PGM2: variants seen among roughly 807,000 people sequenced by gnomAD.
The protein encoded by PGM2 is phosphoglucomutase 2.
Under a neutral mutation model 74.6 loss-of-function variants are expected in PGM2, and 57 were observed. The observed-to-expected ratio is 0.76, with a 90% CI of 0.62 to 0.95. The LOEUF (loss-of-function observed/expected upper bound fraction) is 0.95. Ranked by LOEUF, PGM2 falls within the 40% of genes least tolerant of loss-of-function variation. The probability of loss-of-function intolerance (pLI) is 0.00; values close to 1 mark genes in which losing one functional copy is unlikely to be tolerated. For synonymous variants in PGM2, 273 were observed against 260.7 expected, an observed-to-expected ratio of 1.05 and a Z score of -0.46; for missense variants, 706 against 741.9, an observed-to-expected ratio of 0.95 and a Z score of 0.56.
intron 9 of PGM2, 29 bp downstream of exon 9, chr4:37,847,140 TC>T (rs769513810): frequency 6.2e-7 from 1 of 1,602,872 alleles, no homozygotes; most frequent in South Asian, 1.1e-5. Context: ...TCACTCATTT[TC>T]CTTTCATCTG....
intron 13 of PGM2, among the ~76,000 whole-genome samples, chr4:37,857,889 T>C (rs1395869420): frequency 6.6e-6 from 1 of 152,208 alleles, no homozygotes; most frequent in African/African-American, 2.4e-5. Context: ...TATAGTTTTT[T>C]GTAAACATTT....
At chr4:37,834,434 T>C (rs997530327) in intron 2 of PGM2, among the ~76,000 whole-genome samples, 184 bp from the exon 3 acceptor site, 11 of 152,098 alleles carry the variant, frequency 7.2e-5, no homozygotes, top group African/African-American at 2.2e-4. Context: ...TACAAAAACA[T>C]AGATAATAAA....
intron 1 of PGM2, 59 bp downstream of exon 1, chr4:37,826,872 C>T: frequency 2.7e-6 from 3 of 1,094,290 alleles, no homozygotes; most frequent in South Asian, 1.4e-5. Context: ...CTGCCCTCTC[C>T]AGGCGCGGCG....
chr4:37,844,923 G>T (rs1000658837), intron 7 of PGM2, among the ~76,000 whole-genome samples: 2 of 146,206 alleles, frequency 1.4e-5, no homozygotes, highest in African/African-American at 2.5e-5. Context: ...AGCTGAGATT[G>T]CACCACTGCA....
intron 12 of PGM2, among the ~76,000 whole-genome samples, chr4:37,851,228 C>A (rs1251690648): frequency 1.3e-5 from 2 of 152,158 alleles, no homozygotes; most frequent in East Asian, 3.9e-4. Context: ...AGTGCTGGAG[C>A]CCACACCTGG....
rs369847345 is a variant in PGM2 at position 37,844,532 on chromosome 4, C to T, written c.888C>T (p.Pro296=). The change falls in exon 7 of 14, where the codon CCC becomes CCT. Residue 296 remains proline, a synonymous_variant. Transcript: ENST00000381967. ...TTCCAACAGTGAAATACCCGAATCC[C>T]GAAGAGGGGAAAGGTGTCTTGGTAA... ...PEFPTVKYPN[P]EEGKGVLTLS... 1.8e-5 allele frequency: 29 copies of T among 1,611,156 alleles called. No homozygotes were observed. The highest frequency in any genetic ancestry group is 3.3e-5 in the South Asian group (3 of 90,608).
rs747471327 is a variant in PGM2, at chr4:37,847,230, G to A, written c.1217G>A (p.Gly406Glu). ...EETLTGFKWM[G>E]NRAKQLIDQG... ...ACATTAACTGGCTTTAAGTGGATGG[G>A]AAACAGAGCCAAACAGCTAATAGAC... The change falls in exon 10 of 14, where the codon GGA (glycine) becomes GAA (glutamate). Residue 406 changes from glycine to glutamate, a missense_variant. Physicochemically the swap from Gly to Glu is moderately conservative, Grantham distance 98 (BLOSUM62 -2). This residue lies in a region of PGM2 where 359 missense variants were observed against 371.1 expected (regional missense o/e 0.97). Transcript: ENST00000381967. 5 of 1,613,900 alleles carry A rather than the reference G, an allele frequency of 3.1e-6. No homozygotes were observed. The highest frequency in any genetic ancestry group is 4.5e-5 in the East Asian group (2 of 44,882).
chr4:37,848,285 C>G (rs1388225628), intron 10 of PGM2, among the ~76,000 whole-genome samples: 1 of 152,214 alleles, frequency 6.6e-6, no homozygotes, highest in East Asian at 1.9e-4. Flanking sequence ...TTTCATGACT[C>G]TAGTGATTGA....
At position 37,834,667 on chromosome 4, in the gene PGM2, G is replaced by A. The variant is rs202191592; in HGVS notation, c.299G>A (p.Gly100Asp). 7.5e-6 allele frequency: 12 copies of A among 1,603,426 alleles called. No individual in the cohort carries two copies. Among genetic ancestry groups the A allele is most frequent in the Non-Finnish European group, 1.0e-5 (12 of 1,172,024 alleles). The change falls in exon 3 of 14, where the codon GGC (glycine) becomes GAC (aspartate). Residue 100 changes from glycine to aspartate, a missense_variant. Gly to Asp is a moderately conservative substitution (Grantham distance 94). Around this residue, in one of 3 missense-constraint regions of PGM2, gnomAD observed 332 missense variants for 334.9 expected, o/e 0.99. Transcript: ENST00000381967. The stretch of plus-strand genomic sequence containing the variant: ...CAATTCAGTGACTTAAAGCAGAAAG[G>A]CATCGTGATCAGTTTTGACGCCCGA... ...EKQFSDLKQKGIVISFDARAH... is the reference protein window; with the variant it reads ...EKQFSDLKQKDIVISFDARAH...
At chr4:37,856,880 T>C (rs1711534310) in intron 13 of PGM2, among the ~76,000 whole-genome samples, 1 of 152,148 alleles carries the variant, frequency 6.6e-6, no homozygotes, top group South Asian at 2.1e-4. Flanking sequence ...CTTAACCTAG[T>C]ATATCCAAAA....
Position 37,834,500 on chromosome 4 carries a change from C to T in PGM2, c.250-118C>T. The T allele has an allele frequency of 5.7e-6, 3 of 522,932 alleles. No individual in the cohort carries two copies. In the South Asian group the frequency reaches 9.6e-5, roughly 17 times the overall value. The allele number at this position is 522,932 out of a possible 1,614,324, so 32.4% of individuals were successfully genotyped here. ...GCTTCCTTACTGAGATGAATTTTTCCCTCTCTCCCATAGTGTTCTATGAAA... is the reference window on the plus strand; with the variant it reads ...GCTTCCTTACTGAGATGAATTTTTCTCTCTCTCCCATAGTGTTCTATGAAA... On this transcript the variant is annotated intron_variant, in intron 2 of 13. Coordinates refer to ENST00000381967, the MANE Select transcript of PGM2 (RefSeq NM_018290.4).
chr4:37,856,407 A>G (rs1006051103), intron 13 of PGM2, among the ~76,000 whole-genome samples: 1 of 152,078 alleles, frequency 6.6e-6, no homozygotes, highest in African/African-American at 2.4e-5. Context: ...AAATAAATAA[A>G]TTATAATCCA....
At position 37,845,559 on chromosome 4, in the gene PGM2, A is replaced by T; in HGVS notation, c.910-74A>T. 3 of 1,012,016 alleles carry T rather than the reference A, an allele frequency of 3.0e-6. No individual in the cohort carries two copies. In the East Asian group the frequency reaches 7.2e-5, roughly 24 times the overall value. The allele number at this position is 1,012,016 out of a possible 1,614,324, so 62.7% of individuals were successfully genotyped here. ...GAAAGACCTCTTGAGTTCTTAAGGA[A>T]CTGAATGTTTTTAAAGACTATCATA... On this transcript the variant is annotated intron_variant, in intron 7 of 13. Transcript: ENST00000381967.
chr4:37,841,870 G>A (rs1301220061), intron 6 of PGM2, among the ~76,000 whole-genome samples: 1 of 152,262 alleles, frequency 6.6e-6, no homozygotes, highest in Non-Finnish European at 1.5e-5. Context: ...GTGTGCGCAT[G>A]TGTATCCGTA....
chr4:37,850,536 C>T (rs1181458765), intron 12 of PGM2, among the ~76,000 whole-genome samples, 163 bp downstream of exon 12: 7 of 152,212 alleles, frequency 4.6e-5, no homozygotes, highest in Non-Finnish European at 7.3e-5. Flanking sequence ...TGTGGTGGCT[C>T]ATGCCTATAA....
chr4:37,829,955 G>T lies in PGM2; in HGVS notation c.82-9G>T. The T allele has an allele frequency of 6.4e-7, 1 of 1,564,446 alleles. No homozygotes were observed. Among genetic ancestry groups the T allele is most frequent in the Non-Finnish European group, 8.6e-7 (1 of 1,156,974 alleles). On this transcript the variant is annotated splice_polypyrimidine_tract_variant and intron_variant, in intron 1 of 13. Transcript: ENST00000381967. The stretch of plus-strand genomic sequence containing the variant: ...TGTCTGGCTGTGTCTATACATTTTT[G>T]TTTTTCAGAATTCCTTAACTTTGGA...
chr4:37,853,359 CTTTTTTTT>C (rs11358189), intron 12 of PGM2, among the ~76,000 whole-genome samples: 3,640 of 125,116 alleles, frequency 0.029, 62 homozygotes, highest in African/African-American at 0.05. Flanking sequence ...GGTGATATTC[CTTTTTTTT>C]TTTTTTTTTT....
At chr4:37,844,287 T>C in intron 6 of PGM2, 77 bp from the exon 7 acceptor site, 1 of 838,348 alleles carries the variant, frequency 1.2e-6, no homozygotes, top group South Asian at 1.8e-5. Context: ...AGTTGTCTTG[T>C]GCATTCTTGC....
At chr4:37,834,027 T>C (rs908211951) in intron 2 of PGM2, among the ~76,000 whole-genome samples, 2 of 152,192 alleles carry the variant, frequency 1.3e-5, no homozygotes, top group East Asian at 3.8e-4. Flanking sequence ...GAGGCTTATT[T>C]TACCCATCTA....
Sources: allele counts gnomAD v4.1 joint callset (sites outside exome capture counted in the v4.1 genomes callset), GRCh38; gene constraint gnomAD v4.1.1; regional missense constraint gnomAD v4.1.1; transcripts MANE v1.5; gene names NCBI Gene and HGNC (gene_info 2026-07-23, HGNC 2026-07-21).